TRAPPC9: variants seen among roughly 807,000 people sequenced by gnomAD.
TRAPPC9 encodes the protein trafficking protein particle complex subunit 9, also known as IKK2 binding protein.
A neutral mutation model predicts 124.0 loss-of-function variants in TRAPPC9; 83 were observed. That is an observed-to-expected ratio of 0.67 (90% CI 0.56 to 0.80). The LOEUF (loss-of-function observed/expected upper bound fraction) is 0.80, where lower values mean the gene tolerates loss of function less well. Ranked by LOEUF, TRAPPC9 falls within the 30% of genes least tolerant of loss-of-function variation. TRAPPC9 has a pLI of 0.00. For missense variants in TRAPPC9, 1,302 were observed against 1,508.3 expected (o/e 0.86, Z 2.27); for synonymous variants, 638 against 617.5 (o/e 1.03, Z -0.49).
At chr8:140,017,567 T>C (rs987255893) in intron 18 of TRAPPC9, among the ~76,000 whole-genome samples, 53 of 152,380 alleles carry the variant, frequency 3.5e-4, no homozygotes, top group African/African-American at 1.2e-3. Flanking sequence ...CTATCTATTA[T>C]GGTCCATTGA....
intron 13 of TRAPPC9, among the ~76,000 whole-genome samples, chr8:140,285,424 A>C (rs73714853): frequency 0.075 from 11,469 of 152,040 alleles, 715 homozygotes; most frequent in African/African-American, 0.16. Context: ...TTCCCATCTC[A>C]ACAGGGATCC....
At chr8:140,403,707 C>G (rs28410628) in intron 6 of TRAPPC9, among the ~76,000 whole-genome samples, 112,374 of 151,450 alleles carry the variant, frequency 0.74, 42,055 homozygotes, top group East Asian at 1. Context: ...GCCTAAGCTG[C>G]AGTGCAGTGG....
At chr8:139,739,439 T>C (rs1282849250) in intron 21 of TRAPPC9, among the ~76,000 whole-genome samples, 1 of 152,208 alleles carries the variant, frequency 6.6e-6, no homozygotes, top group Non-Finnish European at 1.5e-5. Context: ...AAAGTCTTGA[T>C]GAAATTCTCA....
intron 17 of TRAPPC9, among the ~76,000 whole-genome samples, chr8:140,032,248 G>A (rs1036520340): frequency 5.9e-5 from 9 of 152,124 alleles, no homozygotes; most frequent in Non-Finnish European, 8.8e-5. Flanking sequence ...TAAAATGGTC[G>A]GTGCTGAGAT....
chr8:140,224,722 C>A (rs1358573428), intron 16 of TRAPPC9, among the ~76,000 whole-genome samples: 1 of 152,210 alleles, frequency 6.6e-6, no homozygotes, highest in African/African-American at 2.4e-5. Flanking sequence ...TCTCTTCCCT[C>A]TGACAATCTG....
intron 19 of TRAPPC9, among the ~76,000 whole-genome samples, chr8:139,952,890 TACA>T (rs1477124031): frequency 2.6e-5 from 4 of 152,210 alleles, no homozygotes; most frequent in Non-Finnish European, 4.4e-5. Flanking sequence ...TAACACACTT[TACA>T]GATGTGGAAA....
At chr8:139,833,923 C>G (rs996664985) in intron 21 of TRAPPC9, among the ~76,000 whole-genome samples, 1 of 152,100 alleles carries the variant, frequency 6.6e-6, no homozygotes, top group African/African-American at 2.4e-5. Context: ...AACATGAGAG[C>G]CCCTGGTGAG....
At chr8:139,947,142 G>A (rs1380184462) in intron 19 of TRAPPC9, among the ~76,000 whole-genome samples, 4 of 152,210 alleles carry the variant, frequency 2.6e-5, no homozygotes, top group Admixed American at 1.3e-4. Flanking sequence ...GTAGCGTGTT[G>A]TAGCAAGACA....
intron 9 of TRAPPC9, among the ~76,000 whole-genome samples, chr8:140,326,478 C>T (rs2066741777): frequency 6.6e-6 from 1 of 152,176 alleles, no homozygotes. Flanking sequence ...CCTGCCACCA[C>T]CTACAATGCT....
Position 140,252,936 on chromosome 8 carries a change from T to C in TRAPPC9, c.2279-7A>G, listed in dbSNP as rs1650508151. 1 of 1,613,466 alleles carries C rather than the reference T, an allele frequency of 6.2e-7. No homozygotes were observed. The highest frequency in any genetic ancestry group is 8.5e-7 in the Non-Finnish European group (1 of 1,179,970). The stretch of plus-strand genomic sequence containing the variant: ...AAGTCGCCATACAATTTTTCTGTAA[T>C]AATAACAATGACAGTGATGAGGATG... On this transcript the variant is annotated splice_region_variant and splice_polypyrimidine_tract_variant and intron_variant, in intron 15 of 22. Coordinates refer to ENST00000438773, the MANE Select transcript of TRAPPC9 (RefSeq NM_001160372.4). The surrounding 1 kb of genome is among the most constrained non-coding windows in gnomAD (Gnocchi z 4.2).
At chr8:140,273,626 T>A (rs149689931) in intron 15 of TRAPPC9, among the ~76,000 whole-genome samples, 1,971 of 152,148 alleles carry the variant, frequency 0.013, 24 homozygotes, top group Non-Finnish European at 0.022. Flanking sequence ...AGGTAACCCC[T>A]CGGCATTCCT....
chr8:139,762,952 C>T (rs974717605), intron 21 of TRAPPC9, among the ~76,000 whole-genome samples: 1 of 152,194 alleles, frequency 6.6e-6, no homozygotes, highest in Non-Finnish European at 1.5e-5. Context: ...ACATGCCCTG[C>T]ACCGGGTCTG....
At chr8:139,935,609 T>C (rs2131408253) in intron 19 of TRAPPC9, among the ~76,000 whole-genome samples, 1 of 151,882 alleles carries the variant, frequency 6.6e-6, no homozygotes, top group Non-Finnish European at 1.5e-5. Context: ...AGGGATATGA[T>C]ATGATATGGC....
At chr8:139,913,156 C>G (rs1831862786) in intron 19 of TRAPPC9, among the ~76,000 whole-genome samples, 1 of 152,230 alleles carries the variant, frequency 6.6e-6, no homozygotes, top group African/African-American at 2.4e-5. Context: ...CAAACAATTT[C>G]TGGTTGAGTA....
intron 8 of TRAPPC9, 21 bp from the exon 9 acceptor site, chr8:140,360,214 C>T: frequency 6.2e-7 from 1 of 1,614,054 alleles, no homozygotes. Context: ...AGTTACAAAA[C>T]ATCACAAAAG....
At chr8:140,253,809 C>T (rs904624124) in intron 15 of TRAPPC9, among the ~76,000 whole-genome samples, 1 of 152,230 alleles carries the variant, frequency 6.6e-6, no homozygotes, top group African/African-American at 2.4e-5. Context: ...ATGTTAGAGT[C>T]ACATGGCCTT....
chr8:140,446,713 C>G (rs906208500), intron 2 of TRAPPC9, among the ~76,000 whole-genome samples: 1 of 152,142 alleles, frequency 6.6e-6, no homozygotes, highest in African/African-American at 2.4e-5. Flanking sequence ...TGACACCACG[C>G]CCGGCTAACT....
chr8:139,957,367 G>A lies in TRAPPC9; in HGVS notation c.2810+31359C>T, dbSNP rs576475015. 7.2e-5 allele frequency among the ~76,000 whole-genome samples: 11 copies of A among 152,308 alleles called. No individual in the cohort carries two copies. In the East Asian group the frequency reaches 1.2e-3, roughly 16 times the overall value. On this transcript the variant is annotated intron_variant, in intron 19 of 22. Transcript: ENST00000438773. ...AGGGGAACAGCAGGCAACCTGTATC[G>A]CTCTACGTGTAGCCTTTTCTTTTTA...
chr8:140,115,239 T>C (rs2060856098), intron 17 of TRAPPC9, among the ~76,000 whole-genome samples: 1 of 152,088 alleles, frequency 6.6e-6, no homozygotes, highest in East Asian at 1.9e-4. Context: ...CCTAATACAA[T>C]GTAAGTGCTT....
Sources: gnomAD v4.1 joint callset for allele counts (sites outside exome capture counted in the v4.1 genomes callset) on GRCh38, gnomAD v4.1.1 for gene constraint, Gnocchi (gnomAD v3.1) non-coding constraint, MANE v1.5 for transcripts, NCBI Gene and HGNC (gene_info 2026-07-23, HGNC 2026-07-21) for gene names.